Variants in TRIM55 observed in about 807,000 individuals in gnomAD.
The protein encoded by TRIM55 is tripartite motif-containing protein 55.
A neutral mutation model predicts 60.9 loss-of-function variants in TRIM55; 50 were observed. That is an observed-to-expected ratio of 0.82 (90% CI 0.65 to 1.04). The LOEUF is 1.04. TRIM55 is among the 50% of genes least tolerant of loss of function. The pLI is 0.00. For missense variants in TRIM55, 681 were observed against 666.9 expected (o/e 1.02, Z -0.23); for synonymous variants, 237 against 238.1 (o/e 1.00, Z 0.04).
chr8:66,137,223 A>C (rs902805171), intron 4 of TRIM55, 33 bp downstream of exon 4: 7 of 1,553,910 alleles, frequency 4.5e-6, no homozygotes, highest in Non-Finnish European at 5.3e-6. Context: ...CGTCTCAACC[A>C]AGCCTGCAAT....
rs1249138417 is a variant in TRIM55 at position 66,154,261 on chromosome 8, T to C, written c.1451T>C (p.Val484Ala). 4 of 1,613,310 alleles carry C rather than the reference T, an allele frequency of 2.5e-6. No individual in the cohort carries two copies. Among genetic ancestry groups the C allele is most frequent in the Non-Finnish European group, 3.4e-6 (4 of 1,179,864 alleles). ...SEDSNVRKAE[V>A]AAAAASERAA... is the part of the protein sequence containing the mutation. Reference sequence around the variant, plus strand: ...GATTCGAATGTACGGAAGGCAGAAGTGGCAGCAGCCGCAGCGAGTGAGAGG... The same window carrying C: ...GATTCGAATGTACGGAAGGCAGAAGCGGCAGCAGCCGCAGCGAGTGAGAGG... The change falls in exon 9 of 10, where the codon GTG becomes GCG. Residue 484 changes from valine to alanine, a missense_variant. Transcript: ENST00000315962.
At chr8:66,136,505 C>G (rs1809488522) in intron 3 of TRIM55, among the ~76,000 whole-genome samples, 1 of 152,164 alleles carries the variant, frequency 6.6e-6, no homozygotes, top group Non-Finnish European at 1.5e-5. Context: ...CTCCAGTGCT[C>G]CTGGTGGCTC....
chr8:66,166,201 C>T (rs1247881949), intron 9 of TRIM55, among the ~76,000 whole-genome samples: 1 of 152,108 alleles, frequency 6.6e-6, no homozygotes, highest in Non-Finnish European at 1.5e-5. Context: ...TAATAGGAAG[C>T]TAAAATGGAT....
At chr8:66,127,491 T>G in intron 1 of TRIM55, 55 bp downstream of exon 1, 2 of 1,589,388 alleles carry the variant, frequency 1.3e-6, no homozygotes, top group Non-Finnish European at 1.7e-6. Flanking sequence ...TTCCCTCCTC[T>G]TGGAATCAAG....
At chr8:66,149,536 A>G (rs1373986709) in intron 4 of TRIM55, 109 bp from the exon 5 acceptor site, 18 of 891,050 alleles carry the variant, frequency 2.0e-5, no homozygotes, top group East Asian at 1.9e-4. Flanking sequence ...GGGAAAAGAA[A>G]AAAATATCCT....
intron 4 of TRIM55, among the ~76,000 whole-genome samples, chr8:66,144,354 C>T (rs1809990025): frequency 1.3e-5 from 2 of 152,152 alleles, no homozygotes; most frequent in Admixed American, 1.3e-4. Context: ...ACTGCATTCT[C>T]CCTAGAAATG....
chr8:66,114,744 G>A, the TRIM55 span: 5 of 414,794 alleles, frequency 1.2e-5, no homozygotes, highest in African/African-American at 1.0e-4. Flanking sequence ...GCAGATCCGA[G>A]GTGGATAGGA....
At chr8:66,126,987 A>C (rs1345743114), upstream of TRIM55, 2 of 311,136 alleles carry the variant, frequency 6.4e-6, no homozygotes, top group African/African-American at 4.3e-5. Flanking sequence ...CACTCTCTTC[A>C]CTCCCTGGGG....
intron 9 of TRIM55, among the ~76,000 whole-genome samples, chr8:66,166,738 T>G (rs1384606024): frequency 6.6e-6 from 1 of 152,218 alleles, no homozygotes; most frequent in Non-Finnish European, 1.5e-5. Context: ...CATGACTTGC[T>G]TAGGATCACA....
rs1808857976 is a variant in TRIM55, at chr8:66,127,248, A to G, written c.-21A>G. On this transcript the variant is annotated 5_prime_UTR_variant, in exon 1 of 10. Coordinates refer to ENST00000315962, the MANE Select transcript of TRIM55 (RefSeq NM_184085.2). ...ACTCGCAGCACCCTTCCCTGGCAGC[A>G]CACTTGGGGACAGCGAGGAGATGAG... The G allele has an allele frequency of 6.2e-7, 1 of 1,605,964 alleles. No individual in the cohort carries two copies. The highest frequency in any genetic ancestry group is 1.3e-5 in the African/African-American group (1 of 74,704).
the TRIM55 span, among the ~76,000 whole-genome samples, chr8:66,121,574 G>C: frequency 1.3e-5 from 2 of 152,170 alleles, no homozygotes; most frequent in African/African-American, 2.4e-5. Flanking sequence ...ACTGTAACGT[G>C]CTCTTGTAAC....
chr8:66,124,243 A>G (rs1358042745), upstream of TRIM55, among the ~76,000 whole-genome samples: 2 of 152,190 alleles, frequency 1.3e-5, no homozygotes, highest in African/African-American at 2.4e-5. Flanking sequence ...CTTCATGCTA[A>G]TCTAACCCAA....
intron 9 of TRIM55, among the ~76,000 whole-genome samples, chr8:66,157,114 T>C (rs1219832175): frequency 6.6e-6 from 1 of 152,158 alleles, no homozygotes; most frequent in Non-Finnish European, 1.5e-5. Context: ...TTGTATTGCT[T>C]CTCTGAGGCT....
intron 9 of TRIM55, among the ~76,000 whole-genome samples, chr8:66,158,174 C>T (rs1810854765): frequency 6.7e-6 from 1 of 148,180 alleles, no homozygotes; most frequent in African/African-American, 2.6e-5. Context: ...CACACACACA[C>T]ACACACACAC....
chr8:66,137,220 A>G, intron 4 of TRIM55, 30 bp downstream of exon 4: 1 of 1,568,756 alleles, frequency 6.4e-7, no homozygotes, highest in Non-Finnish European at 8.8e-7. Flanking sequence ...CAGCGTCTCA[A>G]CCAAGCCTGC....
At chr8:66,169,383 C>T (rs1811495964) in intron 9 of TRIM55, among the ~76,000 whole-genome samples, 1 of 152,144 alleles carries the variant, frequency 6.6e-6, no homozygotes, top group Admixed American at 6.5e-5. Context: ...CAGTTTCATG[C>T]TTTCACTGTC....
intron 7 of TRIM55, among the ~76,000 whole-genome samples, chr8:66,151,620 T>C (rs1247990568): frequency 6.6e-6 from 1 of 152,004 alleles, no homozygotes; most frequent in Non-Finnish European, 1.5e-5. Flanking sequence ...GGCGGGTGGA[T>C]CACTTAAGGC....
intron 2 of TRIM55, among the ~76,000 whole-genome samples, chr8:66,129,609 T>C (rs1809025789): frequency 6.6e-6 from 1 of 152,226 alleles, no homozygotes; most frequent in African/African-American, 2.4e-5. Context: ...TTCCCTTGCT[T>C]CCAAAGTCTC....
At chr8:66,167,156 C>T (rs945512459) in intron 9 of TRIM55, among the ~76,000 whole-genome samples, 6 of 152,196 alleles carry the variant, frequency 3.9e-5, no homozygotes, top group Non-Finnish European at 8.8e-5. Flanking sequence ...CTTCTGGTCT[C>T]TATGAACAAC....
Sources: allele counts gnomAD v4.1 joint callset (sites outside exome capture counted in the v4.1 genomes callset), GRCh38; gene constraint gnomAD v4.1.1; transcripts MANE v1.5; gene names NCBI Gene and HGNC (gene_info 2026-07-23, HGNC 2026-07-21).